CCSER1: variants seen among roughly 807,000 people sequenced by gnomAD.
CCSER1 encodes serine-rich coiled-coil domain-containing protein 1.
A neutral mutation model predicts 82.0 loss-of-function variants in CCSER1; 41 were observed. The ratio of observed to expected loss-of-function variants is 0.50; its 90% CI spans 0.39 to 0.65. CCSER1 has a LOEUF of 0.65. Ranked by LOEUF, CCSER1 falls within the 30% of genes least tolerant of loss-of-function variation. The pLI, the probability that CCSER1 is intolerant of heterozygous loss-of-function variation, is 0.00. For synonymous variants in CCSER1, 414 were observed against 383.9 expected, an observed-to-expected ratio of 1.08 and a Z score of -0.92; for missense variants, 1,119 against 1,064.2, an observed-to-expected ratio of 1.05 and a Z score of -0.72.
chr4:90,561,752 T>C (rs1308259342), intron 5 of CCSER1, among the ~76,000 whole-genome samples: 2 of 152,168 alleles, frequency 1.3e-5, no homozygotes, highest in Admixed American at 1.3e-4. Context: ...AGCAGGACAG[T>C]AGTAAGTATA....
intron 10 of CCSER1, among the ~76,000 whole-genome samples, chr4:91,101,747 A>C (rs1725084767): frequency 6.6e-6 from 1 of 152,232 alleles, no homozygotes; most frequent in African/African-American, 2.4e-5. Context: ...AGGTAATCAA[A>C]GTAATTTGTC....
At chr4:90,938,672 C>T in intron 9 of CCSER1, 1 of 368,734 alleles carries the variant, frequency 2.7e-6, no homozygotes, top group Middle Eastern at 3.7e-4. Flanking sequence ...TTCTTCTTTT[C>T]AAGGCCCTGT....
At chr4:90,501,899 T>A (rs1023976250) in intron 5 of CCSER1, among the ~76,000 whole-genome samples, 1 of 152,186 alleles carries the variant, frequency 6.6e-6, no homozygotes, top group Non-Finnish European at 1.5e-5. Context: ...AAATTTATCA[T>A]CTTTTATCAA....
chr4:91,047,009 A>G (rs777528368), intron 9 of CCSER1, among the ~76,000 whole-genome samples: 5 of 151,964 alleles, frequency 3.3e-5, no homozygotes, highest in African/African-American at 7.2e-5. Flanking sequence ...TATGTTTTTA[A>G]CTGTCAAGGC....
chr4:91,554,141 A>C (rs1011648727), intron 10 of CCSER1, among the ~76,000 whole-genome samples: 3 of 151,486 alleles, frequency 2.0e-5, no homozygotes, highest in African/African-American at 7.3e-5. Context: ...ATCCTCTGAC[A>C]TTGTTTATTC....
chr4:90,296,181 G>A (rs898457566), intron 1 of CCSER1, among the ~76,000 whole-genome samples: 1 of 151,996 alleles, frequency 6.6e-6, no homozygotes, highest in Non-Finnish European at 1.5e-5. Flanking sequence ...AATATTGTCA[G>A]TTCTTTGCTC....
intron 5 of CCSER1, among the ~76,000 whole-genome samples, chr4:90,480,219 GGGTTGTTTGTTTTTTT>G (rs1765726200): frequency 6.6e-6 from 1 of 151,986 alleles, no homozygotes; most frequent in African/African-American, 2.4e-5. Context: ...CTTTTTGATG[GGGTTGTTTGTTTTTTT>G]CTTGTAAATT....
At chr4:90,946,439 T>C (rs745400820) in intron 9 of CCSER1, among the ~76,000 whole-genome samples, 7 of 152,128 alleles carry the variant, frequency 4.6e-5, no homozygotes, top group Non-Finnish European at 8.8e-5. Flanking sequence ...GAGACCGGCC[T>C]GGCCAACGTG....
chr4:91,348,971 A>G (rs1221179682), intron 10 of CCSER1, among the ~76,000 whole-genome samples: 1 of 151,838 alleles, frequency 6.6e-6, no homozygotes, highest in South Asian at 2.1e-4. Flanking sequence ...TGCAGTGGTG[A>G]GATCTCGACT....
intron 9 of CCSER1, among the ~76,000 whole-genome samples, chr4:90,953,363 CAT>C (rs1418114272): frequency 2.6e-5 from 4 of 151,364 alleles, no homozygotes; most frequent in African/African-American, 4.8e-5. Context: ...TTTTAACAAA[CAT>C]AAATTTAGCA....
chr4:90,303,455 A>G (rs992196870), intron 1 of CCSER1, among the ~76,000 whole-genome samples: 208 of 152,220 alleles, frequency 1.4e-3, no homozygotes, highest in Non-Finnish European at 2.1e-3. Flanking sequence ...AAACACAGAT[A>G]TAGATCAATG....
chr4:90,559,220 C>T (rs890662997), intron 5 of CCSER1, among the ~76,000 whole-genome samples: 2 of 152,150 alleles, frequency 1.3e-5, no homozygotes, highest in Admixed American at 6.5e-5. Context: ...TTTAGCTGCC[C>T]CCCTTTTATT....
At chr4:91,305,099 G>A (rs538140157) in intron 10 of CCSER1, among the ~76,000 whole-genome samples, 1 of 151,996 alleles carries the variant, frequency 6.6e-6, no homozygotes, top group South Asian at 2.1e-4. Flanking sequence ...AAAATTAACA[G>A]ACAGCTCATA....
intron 6 of CCSER1, among the ~76,000 whole-genome samples, chr4:90,683,843 C>T (rs60213596): frequency 0.46 from 69,809 of 151,698 alleles, 16,440 homozygotes; most frequent in Middle Eastern, 0.58. Context: ...GTATGTCTGA[C>T]AATAGTCTAA....
intron 3 of CCSER1, among the ~76,000 whole-genome samples, chr4:90,372,269 A>C (rs1320972346): frequency 6.6e-6 from 1 of 152,204 alleles, no homozygotes; most frequent in African/African-American, 2.4e-5. Context: ...GTTCAATAAA[A>C]GTTTAAAAAT....
intron 10 of CCSER1, among the ~76,000 whole-genome samples, chr4:91,533,829 T>G (rs770565922): frequency 6.6e-6 from 1 of 152,076 alleles, no homozygotes; most frequent in Non-Finnish European, 1.5e-5. Context: ...TTCATTCACC[T>G]GGTTCTCAAT....
chr4:90,907,282 G>C (rs1291491219), intron 8 of CCSER1, among the ~76,000 whole-genome samples: 8 of 152,114 alleles, frequency 5.3e-5, no homozygotes, highest in Admixed American at 5.2e-4. Context: ...ATGTAGAGCA[G>C]AAATTCCCTA....
chr4:91,280,434 C>T (rs1160768494), intron 10 of CCSER1, among the ~76,000 whole-genome samples: 2 of 152,112 alleles, frequency 1.3e-5, no homozygotes. Flanking sequence ...TCTCAAGTGG[C>T]ACATACAGGT....
chr4:90,316,510 A>G (rs1208783793), intron 3 of CCSER1, among the ~76,000 whole-genome samples: 1 of 152,224 alleles, frequency 6.6e-6, no homozygotes, highest in Admixed American at 6.5e-5. Context: ...GTTTCTTGAA[A>G]TGCTGATGAA....
Sources: gnomAD v4.1 joint callset for allele counts (sites outside exome capture counted in the v4.1 genomes callset) on GRCh38, gnomAD v4.1.1 for gene constraint, MANE v1.5 for transcripts, NCBI Gene and HGNC (gene_info 2026-07-23, HGNC 2026-07-21) for gene names.